The following C3orf52 variants were observed in gnomAD, a reference collection of about 807,000 sequenced individuals.
The protein encoded by C3orf52 is TPA-induced transmembrane protein.
C3orf52 carries 22 observed loss-of-function variants against 24.8 expected under a neutral mutation model. That is an observed-to-expected ratio of 0.89 (90% confidence interval 0.63 to 1.27). C3orf52 has a LOEUF of 1.27. Among genes scored for constraint, C3orf52 ranks in the 50% most tolerant of loss-of-function variants. The probability of loss-of-function intolerance (pLI) is 0.00; values close to 1 mark genes in which losing one functional copy is unlikely to be tolerated. For missense variants in C3orf52, 265 were observed against 260.7 expected, an observed-to-expected ratio of 1.02 and a Z score of -0.11; for synonymous variants, 93 against 100.2, an observed-to-expected ratio of 0.93 and a Z score of 0.43.
At chr3:112,121,841 G>A (rs1368800026), downstream of C3orf52, 1 of 152,184 alleles carries the variant, frequency 6.6e-6, no homozygotes, top group Non-Finnish European at 1.5e-5. Flanking sequence ...ACATAGGAAA[G>A]TTATTTAGCT....
intron 3 of C3orf52, among the ~76,000 whole-genome samples, chr3:112,105,488 A>G (rs536413382): frequency 6.6e-6 from 1 of 152,020 alleles, no homozygotes; most frequent in South Asian, 2.1e-4. Context: ...TTGTGGGGGA[A>G]AAATTATTTT....
chr3:112,118,022 A>G lies in C3orf52; in HGVS notation c.*1376A>G, dbSNP rs1263857730. The G allele has an allele frequency of 1.3e-5, 2 of 152,210 alleles. No individual in the cohort carries two copies. Among genetic ancestry groups the G allele is most frequent in the African/African-American group, 4.8e-5 (2 of 41,458 alleles). The allele number at this position is 152,210 out of a possible 1,614,324, so 9.4% of individuals were successfully genotyped here. On this transcript the variant is annotated 3_prime_UTR_variant, in exon 6 of 6. Coordinates refer to ENST00000264848, the MANE Select transcript of C3orf52 (RefSeq NM_024616.3). ...TCCTATTTAACTAGAAGATACATGTACTATAGATCATTGTCTCATTTTAGT... is the reference window on the plus strand; with the variant it reads ...TCCTATTTAACTAGAAGATACATGTGCTATAGATCATTGTCTCATTTTAGT...
chr3:112,113,768 C>A (rs752463520), intron 5 of C3orf52, among the ~76,000 whole-genome samples: 3 of 152,158 alleles, frequency 2.0e-5, no homozygotes, highest in Non-Finnish European at 2.9e-5. Flanking sequence ...CCCCATTTAT[C>A]AGAATCTGAG....
intron 1 of C3orf52, among the ~76,000 whole-genome samples, chr3:112,089,851 G>A (rs191259067): frequency 2.6e-5 from 4 of 152,300 alleles, no homozygotes; most frequent in African/African-American, 9.6e-5. Flanking sequence ...AATATCCGGG[G>A]AATGTTCATA....
In C3orf52 at chr3:112,116,829, T is replaced by A. The variant is rs760514194; in HGVS notation, c.*183T>A. 6.5e-7 allele frequency: 1 copy of A among 1,537,916 alleles called. No homozygotes were observed. Among genetic ancestry groups the A allele is most frequent in the South Asian group, 1.2e-5 (1 of 84,048 alleles). On this transcript the variant is annotated 3_prime_UTR_variant, in exon 6 of 6. Coordinates refer to ENST00000264848, the MANE Select transcript of C3orf52 (RefSeq NM_024616.3). ...CTGGCTCTAAGCCCAGTAAAACAGC[T>A]CCCGAGCACTGCTTCAGCTGGGTCC...
intron 2 of C3orf52, among the ~76,000 whole-genome samples, chr3:112,101,439 G>A (rs2073971225): frequency 6.6e-6 from 1 of 152,092 alleles, no homozygotes; most frequent in Non-Finnish European, 1.5e-5. Context: ...GGTCATATAC[G>A]TAGCCTCTGC....
chr3:112,134,219 C>T (rs1035690607), downstream of C3orf52: 1 of 152,322 alleles, frequency 6.6e-6, no homozygotes, highest in Admixed American at 6.5e-5. Flanking sequence ...AAATCGTCCA[C>T]ATCCATCAAC....
At chr3:112,131,401 A>G (rs1364737450), downstream of C3orf52, among the ~76,000 whole-genome samples, 1 of 152,176 alleles carries the variant, frequency 6.6e-6, no homozygotes, top group East Asian at 1.9e-4. Flanking sequence ...TGCTGACTAG[A>G]TGATAACTGG....
chr3:112,108,413 A>G (rs1271862058), intron 3 of C3orf52, among the ~76,000 whole-genome samples: 2 of 152,184 alleles, frequency 1.3e-5, no homozygotes, highest in Non-Finnish European at 2.9e-5. Context: ...GGAAAGGGAG[A>G]ACAATTTTGT....
At chr3:112,120,583 AAG>A (rs2074178145), downstream of C3orf52, among the ~76,000 whole-genome samples, 1 of 152,192 alleles carries the variant, frequency 6.6e-6, no homozygotes, top group Admixed American at 6.5e-5. Context: ...ATGTAGTTTT[AAG>A]ACCAGCATGA....
intron 1 of C3orf52, among the ~76,000 whole-genome samples, chr3:112,091,706 A>T (rs192592791): frequency 1.3e-5 from 2 of 151,004 alleles, no homozygotes. Flanking sequence ...CAGCACCAAA[A>T]TAAGAATGGC....
At chr3:112,087,362 T>C (rs752916981) in intron 1 of C3orf52, among the ~76,000 whole-genome samples, 3 of 152,184 alleles carry the variant, frequency 2.0e-5, no homozygotes, top group Non-Finnish European at 2.9e-5. Flanking sequence ...GGAACATTAT[T>C]CACTCTCATC....
intron 1 of C3orf52, among the ~76,000 whole-genome samples, chr3:112,088,871 C>T (rs2073853148): frequency 6.6e-6 from 1 of 152,120 alleles, no homozygotes; most frequent in South Asian, 2.1e-4. Context: ...GGTGAGGAAT[C>T]GGGAACAGTT....
At chr3:112,132,658 C>G (rs2074485357), downstream of C3orf52, 1 of 987,248 alleles carries the variant, frequency 1.0e-6, no homozygotes, top group Non-Finnish European at 1.2e-6. Flanking sequence ...GAGTGCACAT[C>G]AAAGGAAGAC....
At chr3:112,092,549 A>AC (rs1344338267) in intron 1 of C3orf52, among the ~76,000 whole-genome samples, 1 of 152,214 alleles carries the variant, frequency 6.6e-6, no homozygotes, top group East Asian at 1.9e-4. Context: ...GTGGAGACAC[A>AC]CAGCAGGGAT....
At chr3:112,093,322 C>T (rs2073896084) in intron 1 of C3orf52, 38 bp from the exon 2 acceptor site, 6 of 1,610,192 alleles carry the variant, frequency 3.7e-6, no homozygotes, top group Non-Finnish European at 5.1e-6. Context: ...TCTGTTGCAA[C>T]ACAATGACTG....
At chr3:112,130,454 C>T (rs2074426920), downstream of C3orf52, 1 of 1,614,018 alleles carries the variant, frequency 6.2e-7, no homozygotes, top group Non-Finnish European at 8.5e-7. Flanking sequence ...CCTGGATGTT[C>T]TCTGTTTGGG....
chr3:112,088,669 ATCTATC>A (rs1326669709), intron 1 of C3orf52, among the ~76,000 whole-genome samples: 2 of 134,336 alleles, frequency 1.5e-5, no homozygotes, highest in African/African-American at 6.2e-5. Flanking sequence ...TATTCTATCT[ATCTATC>A]TATCTATCTA....
chr3:112,113,102 T>A lies in C3orf52; in HGVS notation c.606T>A (p.Gly202=). 5 of 1,611,562 alleles carry A rather than the reference T, an allele frequency of 3.1e-6. No individual in the cohort carries two copies. The highest frequency in any genetic ancestry group is 4.2e-6 in the Non-Finnish European group (5 of 1,178,956). ...LQDFRDQNIP[G]CESLGLDPTS... is the part of the protein sequence containing the mutation. The stretch of plus-strand genomic sequence containing the variant: ...ATTTCCGTGATCAGAATATACCTGG[T>A]TGTGAGAGTCTGGGGCTTGATCCAA... Residue 202 remains glycine, a synonymous_variant, in exon 5 of 6, where the codon GGT becomes GGA. Transcript: ENST00000264848.
Sources: gnomAD v4.1 joint callset for allele counts (sites outside exome capture counted in the v4.1 genomes callset) on GRCh38, gnomAD v4.1.1 for gene constraint, MANE v1.5 for transcripts, NCBI Gene and HGNC (gene_info 2026-07-23, HGNC 2026-07-21) for gene names.